The following VASH2 variants were observed in gnomAD, a reference collection of about 807,000 sequenced individuals.
The protein encoded by VASH2 is tubulinyl-Tyr carboxypeptidase 2.
A neutral mutation model predicts 37.2 loss-of-function variants in VASH2; 28 were observed. The observed-to-expected ratio is 0.75, with a 90% CI of 0.56 to 1.03. The LOEUF (loss-of-function observed/expected upper bound fraction) is 1.03. Ranked by LOEUF, VASH2 falls within the 50% of genes least tolerant of loss-of-function variation. The pLI, the probability that VASH2 is intolerant of heterozygous loss-of-function variation, is 0.00. For missense variants in VASH2, 419 were observed against 459.1 expected (o/e 0.91, Z 0.80); for synonymous variants, 188 against 174.7 (o/e 1.08, Z -0.60).
Position 212,971,326 on chromosome 1 carries a change from C to G in VASH2, c.498-1254C>G, listed in dbSNP as rs1667005548. Among the ~76,000 whole-genome samples the G allele has an allele frequency of 6.6e-6, 1 of 152,184 alleles. No individual in the cohort carries two copies. The highest frequency in any genetic ancestry group is 2.4e-5 in the African/African-American group (1 of 41,430). On this transcript the variant is annotated intron_variant, in intron 5 of 7. Transcript: ENST00000517399. The surrounding 1 kb of genome is among the most constrained non-coding windows in gnomAD (Gnocchi z 4.0). ...GGTATGCACCCAGAAGTGGAATTGC[C>G]AGGTCCTAGGGTAATCCTGTTGAAT...
At chr1:212,958,477 C>T (rs1426165069) in intron 2 of VASH2, among the ~76,000 whole-genome samples, 1 of 152,214 alleles carries the variant, frequency 6.6e-6, no homozygotes, top group South Asian at 2.1e-4. Context: ...CTGCCGTCTG[C>T]TCCCACCCTG....
chr1:212,978,189 G>A (rs764933252), intron 7 of VASH2, among the ~76,000 whole-genome samples: 4 of 152,192 alleles, frequency 2.6e-5, no homozygotes, highest in Non-Finnish European at 4.4e-5. Flanking sequence ...CTGGGCCTCC[G>A]GTCCTTCATC....
rs765338507 is a variant in VASH2 at position 212,974,071 on chromosome 1, G to A, written c.995+1G>A. 6 of 1,610,364 alleles carry A rather than the reference G, an allele frequency of 3.7e-6. No homozygotes were observed. Among genetic ancestry groups the A allele is most frequent in the Non-Finnish European group, 4.2e-6 (5 of 1,177,994 alleles). ...GGAGGCTCGGCCGGCGAGAGAAGTCGTGAGTAATATTTCCTCTTCCCCAAC... is the reference window on the plus strand; with the variant it reads ...GGAGGCTCGGCCGGCGAGAGAAGTCATGAGTAATATTTCCTCTTCCCCAAC... On this transcript the variant is annotated splice_donor_variant, in intron 7 of 7. Transcript: ENST00000517399. LOFTEE classifies it high-confidence loss of function.
intron 7 of VASH2, among the ~76,000 whole-genome samples, chr1:212,976,574 A>AAG (rs1228744387): frequency 1.3e-5 from 2 of 151,712 alleles, no homozygotes; most frequent in Non-Finnish European, 2.9e-5. Context: ...CCTGTAAAAA[A>AAG]AAAAAATGGT....
chr1:212,967,070 G>T (rs755928336), intron 5 of VASH2: 2 of 1,298,284 alleles, frequency 1.5e-6, no homozygotes, highest in East Asian at 5.6e-5. Context: ...TAAGAGTGGC[G>T]TGTGGAGGAG....
chr1:212,966,363 T>TA lies in VASH2; in HGVS notation c.497+19dup. On this transcript the variant is annotated intron_variant, in intron 5 of 7. Coordinates refer to ENST00000517399, the MANE Select transcript of VASH2 (RefSeq NM_001301056.2). ...CTGGGCATGTATCCTTTAAGTTATG[T>TA]ATGCTTAGTTTACTCCATAAATGGC... The TA allele has an allele frequency of 6.5e-7, 1 of 1,548,960 alleles. No homozygotes were observed. Among genetic ancestry groups the TA allele is most frequent in the Non-Finnish European group, 8.7e-7 (1 of 1,144,460 alleles).
chr1:212,986,566 CAT>C (rs985438463), intron 7 of VASH2, among the ~76,000 whole-genome samples: 28 of 152,300 alleles, frequency 1.8e-4, no homozygotes, highest in African/African-American at 5.8e-4. Flanking sequence ...CCCAAGCAAA[CAT>C]GTGTTCCTTT....
chr1:212,951,968 C>T lies in VASH2; in HGVS notation c.276+150C>T. The T allele has an allele frequency of 9.8e-7, 1 of 1,022,514 alleles. No individual in the cohort carries two copies. Among genetic ancestry groups the T allele is most frequent in the Non-Finnish European group, 1.4e-6 (1 of 724,254 alleles). 63.3% of individuals were successfully genotyped at this position (1,022,514 alleles called of 1,614,324 possible). A position where few individuals can be genotyped will look rare whatever the true frequency, so the allele number is the denominator to read the frequency against. ...CTCTCCCCATTCCTTCCTGCCAGCC[C>T]TTTTCTAATTGAGATATTTAGATTG... is the stretch of plus-strand genomic sequence containing the variant. On this transcript the variant is annotated intron_variant, in intron 2 of 7. Coordinates refer to ENST00000517399, the MANE Select transcript of VASH2 (RefSeq NM_001301056.2). This position sits in a 1 kb window ranked among gnomAD's most constrained non-coding sequence, Gnocchi z 4.4.
chr1:212,980,373 GGCT>G (rs1667308056), intron 7 of VASH2, among the ~76,000 whole-genome samples: 1 of 152,150 alleles, frequency 6.6e-6, no homozygotes, highest in Non-Finnish European at 1.5e-5. Context: ...TCCCCTGTGT[GGCT>G]GCTTTTTTCC....
chr1:212,952,916 C>T (rs1666367182), intron 2 of VASH2: 1 of 152,212 alleles, frequency 6.6e-6, no homozygotes, highest in South Asian at 2.1e-4. Context: ...CAGTCAGTTA[C>T]AGTGTTCTAT....
At chr1:212,962,451 C>G (rs939988729) in intron 3 of VASH2, among the ~76,000 whole-genome samples, 1 of 152,182 alleles carries the variant, frequency 6.6e-6, no homozygotes, top group Non-Finnish European at 1.5e-5. Context: ...ATACCCAGCC[C>G]TGAGGCAGAA....
rs1558156866 is a variant in VASH2, at chr1:212,990,663, CTGA to C, written c.*2081_*2083del. On this transcript the variant is annotated 3_prime_UTR_variant, in exon 8 of 8. Coordinates refer to ENST00000517399, the MANE Select transcript of VASH2 (RefSeq NM_001301056.2). ...ACAGGAATACAAACTCTGTAATATG[CTGA>C]TAAAGAAGCCTTAGAACTGCCAACT... The C allele has an allele frequency of 6.6e-6, 1 of 152,170 alleles. No individual in the cohort carries two copies. Among genetic ancestry groups the C allele is most frequent in the Non-Finnish European group, 1.5e-5 (1 of 68,030 alleles). The allele number at this position is 152,170 out of a possible 1,614,324, so 9.4% of individuals were successfully genotyped here. A position where few individuals can be genotyped will look rare whatever the true frequency, so the allele number is the denominator to read the frequency against.
chr1:212,962,938 A>G (rs1666721089), intron 3 of VASH2, among the ~76,000 whole-genome samples: 1 of 151,510 alleles, frequency 6.6e-6, no homozygotes, highest in Non-Finnish European at 1.5e-5. Flanking sequence ...CTCATAGGCT[A>G]TTCTAGAAGG....
At chr1:212,955,848 C>T (rs185639536) in intron 2 of VASH2, among the ~76,000 whole-genome samples, 1 of 152,254 alleles carries the variant, frequency 6.6e-6, no homozygotes, top group Non-Finnish European at 1.5e-5. Flanking sequence ...CCTCCCCCAT[C>T]CTGGATTGAG....
intron 5 of VASH2, chr1:212,967,442 G>A: frequency 8.5e-7 from 1 of 1,173,196 alleles, no homozygotes; most frequent in Non-Finnish European, 1.1e-6. Flanking sequence ...AAGGGACAGT[G>A]GAAAAGGAAA....
Position 212,987,992 on chromosome 1 carries a change from C to A in VASH2, c.996-520C>A, listed in dbSNP as rs77212632. Among the ~76,000 whole-genome samples the A allele has an allele frequency of 3.2e-3, 495 of 152,326 alleles. 3 individuals are homozygous for A. Among genetic ancestry groups the A allele is most frequent in the African/African-American group, 0.012 (482 of 41,584 alleles). Reference sequence around the variant, plus strand: ...TTTTGCCACTGAGTGATTTTCCACACTGACATGCTTTTTCAGATGAATCCT... The same window carrying A: ...TTTTGCCACTGAGTGATTTTCCACAATGACATGCTTTTTCAGATGAATCCT... On this transcript the variant is annotated intron_variant, in intron 7 of 7. Transcript: ENST00000517399.
rs775978769 is a variant in VASH2 at position 212,961,268 on chromosome 1, C to T, written c.365+14C>T. 9.3e-6 allele frequency: 15 copies of T among 1,614,138 alleles called. No homozygotes were observed. The Admixed American group carries it at 2.5e-4, about 27-fold the overall frequency. Reference sequence around the variant, plus strand: ...GAAGACCCTACAGTATCCTTCCAACCAAGGTCTGAGCACACCCAGCCAGGG... The same window carrying T: ...GAAGACCCTACAGTATCCTTCCAACTAAGGTCTGAGCACACCCAGCCAGGG... On this transcript the variant is annotated intron_variant, in intron 3 of 7. Coordinates refer to ENST00000517399, the MANE Select transcript of VASH2 (RefSeq NM_001301056.2).
intron 7 of VASH2, chr1:212,974,625 T>C (rs1667117279): frequency 6.6e-6 from 1 of 152,224 alleles, no homozygotes; most frequent in Non-Finnish European, 1.5e-5. Context: ...CACATCTACT[T>C]CTTAGACCAA....
intron 6 of VASH2, 78 bp from the exon 7 acceptor site, chr1:212,973,877 G>T: frequency 6.5e-7 from 1 of 1,532,424 alleles, no homozygotes; most frequent in Non-Finnish European, 8.8e-7. Flanking sequence ...CTGGGGGGTG[G>T]AATGTGGTGC....
Sources: allele counts gnomAD v4.1 joint callset (sites outside exome capture counted in the v4.1 genomes callset), GRCh38; gene constraint gnomAD v4.1.1; non-coding constraint Gnocchi (gnomAD v3.1); transcripts MANE v1.5; gene names NCBI Gene and HGNC (gene_info 2026-07-23, HGNC 2026-07-21).